THSD4: variants seen among roughly 807,000 people sequenced by gnomAD.
THSD4 encodes the protein thrombospondin type-1 domain-containing protein 4.
Under a neutral mutation model 119.0 loss-of-function variants are expected in THSD4, and 69 were observed. The observed-to-expected ratio is 0.58, with a 90% CI of 0.48 to 0.71. THSD4 has a LOEUF of 0.71. Ranked by LOEUF, THSD4 falls within the 30% of genes least tolerant of loss-of-function variation. The pLI is 0.00. For missense variants in THSD4, 1,393 were observed against 1,391.1 expected (o/e 1.00, Z -0.02); for synonymous variants, 524 against 540.4 (o/e 0.97, Z 0.42).
At chr15:71,452,520 CAAAAAA>C (rs71281967) in intron 7 of THSD4, among the ~76,000 whole-genome samples, 4 of 78,980 alleles carry the variant, frequency 5.1e-5, no homozygotes, top group East Asian at 7.3e-4. Context: ...TCCCCTCCAC[CAAAAAA>C]AAAAAAAAAA....
At chr15:71,317,673 G>GT (rs1377980380) in intron 6 of THSD4, among the ~76,000 whole-genome samples, 11 of 152,114 alleles carry the variant, frequency 7.2e-5, no homozygotes, top group African/African-American at 2.4e-4. Flanking sequence ...TGGGAAGTTC[G>GT]TTTTTTCACA....
intron 7 of THSD4, among the ~76,000 whole-genome samples, chr15:71,460,737 G>A (rs1269482895): frequency 3.3e-5 from 5 of 152,152 alleles, no homozygotes; most frequent in Non-Finnish European, 5.9e-5. Context: ...AGATAGCTAC[G>A]TTTCGTATTT....
chr15:71,464,269 G>A (rs1372620733), intron 7 of THSD4, among the ~76,000 whole-genome samples: 1 of 152,198 alleles, frequency 6.6e-6, no homozygotes, highest in Non-Finnish European at 1.5e-5. Context: ...GAACCTTCAT[G>A]GCAGAGTGTA....
chr15:71,497,666 A>G (rs4429243), intron 7 of THSD4, among the ~76,000 whole-genome samples: 149,167 of 152,320 alleles, frequency 0.98, 73,113 homozygotes, highest in East Asian at 1. Flanking sequence ...TCTTTTAAGA[A>G]CGACTTTCCC....
chr15:71,126,827 C>G (rs537663850), intron 1 of THSD4, among the ~76,000 whole-genome samples: 8 of 152,298 alleles, frequency 5.3e-5, no homozygotes, highest in African/African-American at 1.7e-4. Flanking sequence ...CAATTTATAA[C>G]TGCATTATAT....
chr15:71,104,842 G>A (rs935253719), intron 1 of THSD4, among the ~76,000 whole-genome samples: 12 of 152,212 alleles, frequency 7.9e-5, no homozygotes, highest in Non-Finnish European at 1.3e-4. Context: ...AAAGTTTTAA[G>A]TTAAGATAAG....
At chr15:71,623,877 G>T (rs4777420) in intron 7 of THSD4, among the ~76,000 whole-genome samples, 148,037 of 150,462 alleles carry the variant, frequency 0.98, 72,860 homozygotes, top group Middle Eastern at 1. Flanking sequence ...GAGCCGAGAT[G>T]GCGCCATTGC....
chr15:71,754,604 A>G (rs1360725450), intron 14 of THSD4, among the ~76,000 whole-genome samples: 1 of 152,246 alleles, frequency 6.6e-6, no homozygotes, highest in Non-Finnish European at 1.5e-5. Context: ...AAAGGACATG[A>G]AATATGCAAA....
At chr15:71,665,356 T>C (rs74534899) in intron 8 of THSD4, among the ~76,000 whole-genome samples, 2 of 145,342 alleles carry the variant, frequency 1.4e-5, no homozygotes, top group African/African-American at 2.5e-5. Context: ...TGTTTTTTTT[T>C]CCGTAAACTT....
At chr15:71,207,742 C>T (rs868536085) in intron 3 of THSD4, among the ~76,000 whole-genome samples, 4 of 152,082 alleles carry the variant, frequency 2.6e-5, no homozygotes, top group Non-Finnish European at 5.9e-5. Flanking sequence ...CTAGGTTGTA[C>T]GCTCCTTATG....
intron 7 of THSD4, among the ~76,000 whole-genome samples, chr15:71,558,121 A>G (rs1026282931): frequency 3.3e-5 from 5 of 152,198 alleles, no homozygotes; most frequent in Admixed American, 2.0e-4. Context: ...TGAGGTCAGG[A>G]GTTCAAGACC....
chr15:71,757,183 G>A (rs971650684), intron 14 of THSD4, among the ~76,000 whole-genome samples: 11 of 152,140 alleles, frequency 7.2e-5, no homozygotes, highest in African/African-American at 2.7e-4. Flanking sequence ...CACAGCTAGT[G>A]AGGATATCAA....
At chr15:71,597,682 C>T (rs1041497413) in intron 7 of THSD4, among the ~76,000 whole-genome samples, 3 of 152,192 alleles carry the variant, frequency 2.0e-5, no homozygotes, top group Non-Finnish European at 4.4e-5. Context: ...CTGCATATGT[C>T]CCACCCCCAA....
At chr15:71,433,938 A>G (rs1363208425) in intron 7 of THSD4, among the ~76,000 whole-genome samples, 1 of 152,154 alleles carries the variant, frequency 6.6e-6, no homozygotes. Context: ...GAACCCCATT[A>G]GCCGGCCCTT....
intron 6 of THSD4, among the ~76,000 whole-genome samples, chr15:71,259,984 A>G (rs1596300041): frequency 6.6e-6 from 1 of 152,176 alleles, no homozygotes; most frequent in Non-Finnish European, 1.5e-5. Flanking sequence ...TCCACACTAC[A>G]CTGAGCAGTG....
At chr15:71,314,985 C>T (rs1320011683) in intron 6 of THSD4, among the ~76,000 whole-genome samples, 1 of 152,124 alleles carries the variant, frequency 6.6e-6, no homozygotes, top group Non-Finnish European at 1.5e-5. Context: ...GATTCAGGCT[C>T]ATAGTTAATT....
At chr15:71,310,653 T>G (rs2045099082) in intron 6 of THSD4, among the ~76,000 whole-genome samples, 1 of 152,190 alleles carries the variant, frequency 6.6e-6, no homozygotes, top group Admixed American at 6.5e-5. Flanking sequence ...AGGGGGGTTC[T>G]TATGACTGTC....
intron 6 of THSD4, among the ~76,000 whole-genome samples, chr15:71,403,035 A>G (rs2046558275): frequency 6.6e-6 from 1 of 152,178 alleles, no homozygotes; most frequent in Non-Finnish European, 1.5e-5. Flanking sequence ...TGGGTATTCT[A>G]CGCATTTCGT....
intron 7 of THSD4, among the ~76,000 whole-genome samples, chr15:71,480,578 G>GGT (rs1450943423): frequency 6.6e-6 from 1 of 152,208 alleles, no homozygotes; most frequent in African/African-American, 2.4e-5. Context: ...GCATGGCTGA[G>GGT]GTGGTATTGG....
Sources: allele counts gnomAD v4.1 joint callset (sites outside exome capture counted in the v4.1 genomes callset), GRCh38; gene constraint gnomAD v4.1.1; transcripts MANE v1.5; gene names NCBI Gene and HGNC (gene_info 2026-07-23, HGNC 2026-07-21).